Variants in VPS50 observed in about 807,000 individuals in gnomAD.
The protein encoded by VPS50 is syndetin.
A neutral mutation model predicts 139.7 loss-of-function variants in VPS50; 70 were observed. The ratio of observed to expected loss-of-function variants is 0.50; its 90% CI spans 0.41 to 0.61. The LOEUF (loss-of-function observed/expected upper bound fraction) is 0.61. Ranked by LOEUF, VPS50 falls within the 20% of genes least tolerant of loss-of-function variation. The pLI is 0.00. For missense variants in VPS50, 921 were observed against 1,133.7 expected (o/e 0.81, Z 2.69); for synonymous variants, 365 against 376.7 (o/e 0.97, Z 0.36).
intron 13 of VPS50, among the ~76,000 whole-genome samples, chr7:93,293,738 A>G (rs1331119173): frequency 6.6e-6 from 1 of 152,178 alleles, no homozygotes; most frequent in Non-Finnish European, 1.5e-5. Context: ...GCTATAGTTC[A>G]GGTGCACTGC....
intron 9 of VPS50, among the ~76,000 whole-genome samples, chr7:93,266,699 A>G (rs930409402): frequency 6.6e-6 from 1 of 152,164 alleles, no homozygotes; most frequent in Non-Finnish European, 1.5e-5. Context: ...ATAATGTTGC[A>G]TTTATTTATC....
chr7:93,341,094 T>C (rs995862319), intron 22 of VPS50, among the ~76,000 whole-genome samples: 8 of 152,196 alleles, frequency 5.3e-5, no homozygotes, highest in Non-Finnish European at 1.2e-4. Context: ...GTAATCATAT[T>C]TCTCTCATTT....
At chr7:93,263,417 A>C (rs904014188) in intron 9 of VPS50, among the ~76,000 whole-genome samples, 2 of 152,256 alleles carry the variant, frequency 1.3e-5, no homozygotes, top group Non-Finnish European at 2.9e-5. Context: ...CCCATGATAT[A>C]GAATATTTCT....
chr7:93,356,057 G>C lies in VPS50; in HGVS notation c.2752G>C (p.Glu918Gln), dbSNP rs1402702095. The C allele has an allele frequency of 6.6e-7, 1 of 1,516,164 alleles. No individual in the cohort carries two copies. The highest frequency in any genetic ancestry group is 9.0e-7 in the Non-Finnish European group (1 of 1,116,038). 93.9% of individuals were successfully genotyped at this position (1,516,164 alleles called of 1,614,324 possible). Residue 918 changes from glutamate to glutamine, a missense_variant, in exon 27 of 28, where the codon GAA becomes CAA. This residue lies in a region of VPS50 where 158 missense variants were observed against 156.3 expected (regional missense o/e 1.01). Coordinates refer to ENST00000305866, the MANE Select transcript of VPS50 (RefSeq NM_017667.4). Reference protein sequence around the residue: ...KAYYLTENDMERWIKEHREYS... With the variant: ...KAYYLTENDMQRWIKEHREYS... ...TTATTACCTAACTGAGAATGACATG[G>C]AACGGTGGATCAAAGAGCACAGGGT...
At chr7:93,287,149 A>G (rs1485050557) in intron 12 of VPS50, among the ~76,000 whole-genome samples, 1 of 152,040 alleles carries the variant, frequency 6.6e-6, no homozygotes, top group African/African-American at 2.4e-5. Flanking sequence ...TGCTGCGTGT[A>G]TCATAGTCTT....
intron 23 of VPS50, among the ~76,000 whole-genome samples, chr7:93,345,774 A>T (rs1403292193): frequency 6.6e-6 from 1 of 152,258 alleles, no homozygotes; most frequent in East Asian, 1.9e-4. Flanking sequence ...ACAAAATTCA[A>T]CAACCCTTCA....
intron 11 of VPS50, 123 bp from the exon 12 acceptor site, chr7:93,276,042 A>C: frequency 1.1e-6 from 1 of 911,072 alleles, no homozygotes. Context: ...AATTCTGGGA[A>C]AACTATTATC....
intron 19 of VPS50, 139 bp downstream of exon 19, chr7:93,309,081 T>TA: frequency 2.2e-6 from 1 of 446,798 alleles, no homozygotes; most frequent in South Asian, 4.1e-5. Context: ...TAGTATGTTT[T>TA]AAAAAATGAT....
intron 21 of VPS50, among the ~76,000 whole-genome samples, chr7:93,330,962 A>G (rs1362319056): frequency 2.7e-5 from 4 of 149,164 alleles, no homozygotes; most frequent in African/African-American, 1.0e-4. Context: ...ATATAAAGTC[A>G]GTATACAAAA....
At chr7:93,341,205 GC>G (rs34517750) in intron 22 of VPS50, among the ~76,000 whole-genome samples, 74,331 of 151,920 alleles carry the variant, frequency 0.49, 20,194 homozygotes, top group African/African-American at 0.73. Context: ...ACAGATGGTA[GC>G]ATGTAGAGTT....
intron 21 of VPS50, among the ~76,000 whole-genome samples, chr7:93,331,716 T>C (rs890882445): frequency 2.6e-5 from 4 of 152,024 alleles, no homozygotes; most frequent in Admixed American, 1.3e-4. Flanking sequence ...GCATGAAGCA[T>C]AAAAGAAAAT....
intron 9 of VPS50, among the ~76,000 whole-genome samples, chr7:93,265,725 C>T (rs895009819): frequency 7.2e-5 from 11 of 151,996 alleles, no homozygotes; most frequent in Admixed American, 5.9e-4. Flanking sequence ...CCACTACACC[C>T]GGCTATTTTT....
chr7:93,257,699 C>T, intron 6 of VPS50: 1 of 330,266 alleles, frequency 3.0e-6, no homozygotes, highest in Non-Finnish European at 5.4e-6. Flanking sequence ...TAGACTAGTG[C>T]TTCACAAACT....
chr7:93,333,815 C>T, intron 21 of VPS50: 1 of 330,648 alleles, frequency 3.0e-6, no homozygotes, highest in Non-Finnish European at 5.6e-6. Context: ...TATCTAAAAT[C>T]TCAAGTTTTG....
At chr7:93,269,321 C>T (rs1194507472) in intron 9 of VPS50, among the ~76,000 whole-genome samples, 1 of 151,918 alleles carries the variant, frequency 6.6e-6, no homozygotes, top group Non-Finnish European at 1.5e-5. Flanking sequence ...CAAGTATTCC[C>T]TTAATCTATG....
At chr7:93,349,266 C>T (rs1798491271) in intron 24 of VPS50, among the ~76,000 whole-genome samples, 1 of 152,094 alleles carries the variant, frequency 6.6e-6, no homozygotes. Context: ...ATGGTGCATG[C>T]AAACAGCTGA....
intron 23 of VPS50, among the ~76,000 whole-genome samples, chr7:93,345,545 T>C (rs953210640): frequency 6.6e-6 from 1 of 152,182 alleles, no homozygotes; most frequent in Non-Finnish European, 1.5e-5. Context: ...TTTAGACCAA[T>C]ATCCTTGATG....
intron 1 of VPS50, among the ~76,000 whole-genome samples, chr7:93,236,912 C>T (rs13241495): frequency 8.1e-6 from 1 of 123,378 alleles, no homozygotes; most frequent in Non-Finnish European, 1.7e-5. Context: ...TTTTTGGCTT[C>T]TCACATACAT....
intron 2 of VPS50, among the ~76,000 whole-genome samples, chr7:93,244,301 A>G (rs1168893237): frequency 2.6e-5 from 4 of 152,040 alleles, no homozygotes; most frequent in Admixed American, 2.6e-4. Flanking sequence ...GTGAAATCAG[A>G]TAAACCGATT....
Sources: gnomAD v4.1 joint callset for allele counts (sites outside exome capture counted in the v4.1 genomes callset) on GRCh38, gnomAD v4.1.1 for gene constraint, gnomAD v4.1.1 regional missense constraint, MANE v1.5 for transcripts, NCBI Gene and HGNC (gene_info 2026-07-23, HGNC 2026-07-21) for gene names.